The following CAP1 variants were observed in gnomAD, a reference collection of about 807,000 sequenced individuals.
CAP1 encodes the protein adenylyl cyclase-associated protein 1.
CAP1 carries 11 observed loss-of-function variants against 58.2 expected under a neutral mutation model. The observed-to-expected ratio is 0.19, with a 90% CI of 0.12 to 0.31. CAP1 has a LOEUF of 0.31. CAP1 is among the 10% of genes least tolerant of loss of function. The probability of loss-of-function intolerance (pLI) is 1.00; values close to 1 mark genes in which losing one functional copy is unlikely to be tolerated. For synonymous variants in CAP1, 183 were observed against 213.8 expected (o/e 0.86, Z 1.26); for missense variants, 423 against 587.5 (o/e 0.72, Z 2.89).
At chr1:40,065,981 T>TGA (rs1647050466) in intron 6 of CAP1, among the ~76,000 whole-genome samples, 1 of 152,184 alleles carries the variant, frequency 6.6e-6, no homozygotes, top group Non-Finnish European at 1.5e-5. Context: ...AACATTGCTA[T>TGA]GAGAGATAGA....
intron 1 of CAP1, among the ~76,000 whole-genome samples, chr1:40,046,573 TA>T (rs1646116670): frequency 6.6e-6 from 1 of 152,186 alleles, no homozygotes; most frequent in Non-Finnish European, 1.5e-5. Flanking sequence ...ATGTGTTGCT[TA>T]ATGACAGGTA....
At chr1:40,040,911 G>A (rs2124086047) in intron 1 of CAP1, 110 bp downstream of exon 1, 1 of 152,900 alleles carries the variant, frequency 6.5e-6, no homozygotes, top group South Asian at 2.1e-4. Flanking sequence ...CCTGCCGAGA[G>A]GGCCGGGGCT....
At chr1:40,043,966 A>T (rs1311277705) in intron 1 of CAP1, among the ~76,000 whole-genome samples, 1 of 152,224 alleles carries the variant, frequency 6.6e-6, no homozygotes, top group Non-Finnish European at 1.5e-5. Flanking sequence ...AGAGAAGTTT[A>T]AATAAAATGG....
chr1:40,044,371 A>G (rs999983417), intron 1 of CAP1, among the ~76,000 whole-genome samples: 1 of 152,226 alleles, frequency 6.6e-6, no homozygotes, highest in African/African-American at 2.4e-5. Context: ...GATTTGAAAT[A>G]TGAGAGTTCT....
At chr1:40,064,867 C>A (rs1218096115) in intron 6 of CAP1, among the ~76,000 whole-genome samples, 1 of 152,134 alleles carries the variant, frequency 6.6e-6, no homozygotes, top group African/African-American at 2.4e-5. Flanking sequence ...CAGCCAAGTT[C>A]AGCTTTTTCT....
Position 40,067,570 on chromosome 1 carries a change from C to T in CAP1, c.661C>T (p.Pro221Ser). Reference protein sequence around the residue: ...GPVAKELSGLPSGPSAGSCPP... With the variant: ...GPVAKELSGLSSGPSAGSCPP... The stretch of plus-strand genomic sequence containing the variant: ...TGTGGCAAAAGAACTGAGCGGACTG[C>T]CATCTGGACCCTCTGCCGGATCATG... Residue 221 changes from proline (P) to serine (S), a missense_variant, in exon 8 of 13, where the codon CCA becomes TCA. Transcript: ENST00000372805. 6.2e-7 allele frequency: 1 copy of T among 1,609,892 alleles called. No homozygotes were observed. Among genetic ancestry groups the T allele is most frequent in the Non-Finnish European group, 8.5e-7 (1 of 1,177,934 alleles).
intron 3 of CAP1, among the ~76,000 whole-genome samples, chr1:40,060,645 T>C (rs569290174): frequency 6.6e-6 from 1 of 152,090 alleles, no homozygotes; most frequent in Non-Finnish European, 1.5e-5. Context: ...CCTTCCTTTA[T>C]GCCTCCTACG....
upstream of CAP1, chr1:40,040,621 G>A (rs907847356): frequency 6.5e-6 from 1 of 152,804 alleles, no homozygotes; most frequent in African/African-American, 2.4e-5. Context: ...GTCACGAGCG[G>A]GGCGGTGAGA....
intron 1 of CAP1, among the ~76,000 whole-genome samples, chr1:40,045,463 A>G (rs1457714174): frequency 6.6e-6 from 1 of 152,202 alleles, no homozygotes; most frequent in Non-Finnish European, 1.5e-5. Context: ...CAATGGTGCA[A>G]TCATGGCTGA....
intron 1 of CAP1, among the ~76,000 whole-genome samples, chr1:40,051,694 GCCT>G (rs1181225350): frequency 4.6e-5 from 7 of 152,240 alleles, no homozygotes; most frequent in Admixed American, 4.6e-4. Context: ...TCCTGCCTCA[GCCT>G]CCTGAGTAGC....
At chr1:40,043,359 G>A (rs945907198) in intron 1 of CAP1, among the ~76,000 whole-genome samples, 3 of 152,098 alleles carry the variant, frequency 2.0e-5, no homozygotes, top group Admixed American at 1.3e-4. Context: ...CACCACGCCC[G>A]GCTAATTTTT....
rs1648177885 is a variant in CAP1 at position 40,072,250 on chromosome 1, A to AG, written c.*719dup. The stretch of plus-strand genomic sequence containing the variant: ...ACCTTCCTATAGAGATGACTTTAAA[A>AG]GGAAAAAAAAAAAAAAAAAAACCCA... On this transcript the variant is annotated 3_prime_UTR_variant, in exon 13 of 13. Coordinates refer to ENST00000372805, the MANE Select transcript of CAP1 (RefSeq NM_006367.4). The AG allele has an allele frequency of 1.8e-5, 5 of 278,508 alleles. No homozygotes were observed. The highest frequency in any genetic ancestry group is 2.9e-5 in the Non-Finnish European group (5 of 171,784). The allele number at this position is 278,508 out of a possible 1,614,324, so 17.3% of individuals were successfully genotyped here.
chr1:40,043,860 G>A (rs1298108860), intron 1 of CAP1, among the ~76,000 whole-genome samples: 1 of 147,234 alleles, frequency 6.8e-6, no homozygotes, highest in African/African-American at 2.5e-5. Context: ...CTGGGTGATA[G>A]TGAGACTCTG....
chr1:40,056,328 A>C, intron 1 of CAP1, among the ~76,000 whole-genome samples: 1 of 148,110 alleles, frequency 6.8e-6, no homozygotes, highest in East Asian at 2.0e-4. Context: ...ACAGGGTCTC[A>C]CTCTGTCACC....
intron 1 of CAP1, among the ~76,000 whole-genome samples, chr1:40,049,832 A>T (rs2124219105): frequency 6.6e-6 from 1 of 152,268 alleles, no homozygotes; most frequent in South Asian, 2.1e-4. Context: ...TAAGGCCCCC[A>T]TATTTGCAAA....
intron 8 of CAP1, among the ~76,000 whole-genome samples, chr1:40,069,099 T>C (rs1333186433): frequency 1.3e-5 from 2 of 152,138 alleles, no homozygotes; most frequent in Non-Finnish European, 2.9e-5. Flanking sequence ...CCTCCCAGAG[T>C]GTGGGATTAC....
At chr1:40,046,191 C>G (rs1646090897) in intron 1 of CAP1, among the ~76,000 whole-genome samples, 1 of 152,178 alleles carries the variant, frequency 6.6e-6, no homozygotes, top group South Asian at 2.1e-4. Flanking sequence ...CGTGGTGATT[C>G]ACGCCTGTAA....
intron 9 of CAP1, 89 bp from the exon 10 acceptor site, chr1:40,070,070 A>G: frequency 6.4e-7 from 1 of 1,570,224 alleles, no homozygotes; most frequent in Non-Finnish European, 8.7e-7. Context: ...TCTGGCTTCA[A>G]TTGCAAGAAC....
rs1291098240 is a variant in CAP1 at position 40,072,121 on chromosome 1, G to A, written c.*588G>A. ...ATTCTATCCTGGGTCTGCCTCAACC[G>A]TGAGATAGGAGAGTCTCTGGTACTA... On this transcript the variant is annotated 3_prime_UTR_variant, in exon 13 of 13. Coordinates refer to ENST00000372805, the MANE Select transcript of CAP1 (RefSeq NM_006367.4). The A allele has an allele frequency of 2.2e-5, 9 of 400,168 alleles. No individual in the cohort carries two copies. Among genetic ancestry groups the A allele is most frequent in the East Asian group, 3.6e-5 (1 of 28,090 alleles). 24.8% of individuals were successfully genotyped at this position (400,168 alleles called of 1,614,324 possible). A position where few individuals can be genotyped will look rare whatever the true frequency, so the allele number is the denominator to read the frequency against.
Sources: allele counts gnomAD v4.1 joint callset (sites outside exome capture counted in the v4.1 genomes callset), GRCh38; gene constraint gnomAD v4.1.1; transcripts MANE v1.5; gene names NCBI Gene and HGNC (gene_info 2026-07-23, HGNC 2026-07-21).